CACNA1C: variants seen among roughly 807,000 people sequenced by gnomAD.
CACNA1C encodes the protein voltage-dependent L-type calcium channel subunit alpha-1C.
In CACNA1C, 30 loss-of-function variants were observed where a neutral mutation model predicts 229.0. That is an observed-to-expected ratio of 0.13 (90% CI 0.10 to 0.18). CACNA1C has a LOEUF of 0.18. Ranked by LOEUF, CACNA1C falls within the 10% of genes least tolerant of loss-of-function variation. CACNA1C has a pLI of 1.00. For missense variants in CACNA1C, 1,658 were observed against 2,845.0 expected (o/e 0.58, Z 9.49); for synonymous variants, 1,114 against 1,132.5 (o/e 0.98, Z 0.33).
chr12:2,279,375 G>A (rs771410299), intron 3 of CACNA1C, among the ~76,000 whole-genome samples: 3 of 152,036 alleles, frequency 2.0e-5, no homozygotes, highest in Non-Finnish European at 2.9e-5. Context: ...CTTCATCTTT[G>A]TGATTTTTCA....
intron 4 of CACNA1C, 59 bp from the exon 5 acceptor site, chr12:2,457,508 C>A (rs1419055706): frequency 3.2e-6 from 5 of 1,566,866 alleles, no homozygotes; most frequent in Non-Finnish European, 4.3e-6. Context: ...AGGTCAGAGC[C>A]CCAGCTGGGC....
intron 5 of CACNA1C, among the ~76,000 whole-genome samples, chr12:2,481,749 A>G (rs1238958917): frequency 2.0e-5 from 3 of 152,358 alleles, no homozygotes; most frequent in African/African-American, 4.8e-5. Context: ...TATTGGTCCC[A>G]TAAGTACACA....
At chr12:2,096,161 G>A (rs946634490) in intron 1 of CACNA1C, among the ~76,000 whole-genome samples, 2 of 152,200 alleles carry the variant, frequency 1.3e-5, no homozygotes, top group African/African-American at 4.8e-5. Context: ...CGCAGCCAGA[G>A]GTCCGATGCC....
At chr12:2,565,224 T>C (rs2049827851) in intron 11 of CACNA1C, among the ~76,000 whole-genome samples, 1 of 150,312 alleles carries the variant, frequency 6.7e-6, no homozygotes, top group Non-Finnish European at 1.5e-5. Context: ...ATCCCAGCAC[T>C]TTGGGAGGCC....
chr12:1,974,540 G>T (rs143048228), intron 1 of CACNA1C, among the ~76,000 whole-genome samples: 1 of 152,076 alleles, frequency 6.6e-6, no homozygotes, highest in East Asian at 1.9e-4. Flanking sequence ...TTGACTACTT[G>T]TTAGGCACTG....
intron 3 of CACNA1C, among the ~76,000 whole-genome samples, chr12:2,243,760 C>T (rs2071686258): frequency 6.6e-6 from 1 of 152,204 alleles, no homozygotes; most frequent in South Asian, 2.1e-4. Flanking sequence ...TAGAGCAGTA[C>T]TCACAAGGGC....
At chr12:1,990,593 A>G (rs2154473292) in intron 1 of CACNA1C, among the ~76,000 whole-genome samples, 1 of 152,296 alleles carries the variant, frequency 6.6e-6, no homozygotes. Flanking sequence ...AACCTCTATC[A>G]ATTCTACCTT....
intron 1 of CACNA1C, among the ~76,000 whole-genome samples, chr12:2,056,065 G>A (rs2054603935): frequency 6.6e-6 from 1 of 152,144 alleles, no homozygotes; most frequent in Admixed American, 6.5e-5. Context: ...ACAAAGAGTC[G>A]AGAACCAAAA....
Position 2,597,060 on chromosome 12 carries a change from G to A in CACNA1C, c.2794-170G>A, listed in dbSNP as rs549040739. Among the ~76,000 whole-genome samples, 127 of 152,192 alleles carry A rather than the reference G, an allele frequency of 8.3e-4. 1 individual carries two copies. Among genetic ancestry groups the A allele is most frequent in the African/African-American group, 3.0e-3 (126 of 41,532 alleles). ...GCCCCGCCTCAGGATGTCTGTGTGT[G>A]TGCCGCTTGCCCCCCATGTCCATCT... On this transcript the variant is annotated intron_variant, in intron 20 of 46. Transcript: ENST00000399655. The surrounding 1 kb of genome is among the most constrained non-coding windows in gnomAD (Gnocchi z 4.3).
At chr12:2,552,067 C>T (rs951492937) in intron 10 of CACNA1C, among the ~76,000 whole-genome samples, 5 of 152,146 alleles carry the variant, frequency 3.3e-5, no homozygotes, top group Admixed American at 1.3e-4. Flanking sequence ...GGGAAATGGA[C>T]ACACAGAAGA....
At chr12:2,068,700 G>T (rs762729539) in intron 1 of CACNA1C, among the ~76,000 whole-genome samples, 13 of 152,112 alleles carry the variant, frequency 8.5e-5, no homozygotes, top group African/African-American at 2.7e-4. Context: ...GTGTTATGAC[G>T]GCCCTCGTGG....
chr12:2,117,932 GTTC>G (rs1343224774), intron 2 of CACNA1C, among the ~76,000 whole-genome samples: 2 of 152,220 alleles, frequency 1.3e-5, no homozygotes, highest in South Asian at 2.1e-4. Flanking sequence ...TAGCCAGCCA[GTTC>G]TTCTTGAAGA....
intron 29 of CACNA1C, among the ~76,000 whole-genome samples, chr12:2,623,804 G>A (rs1241512100): frequency 6.6e-6 from 1 of 152,144 alleles, no homozygotes; most frequent in Non-Finnish European, 1.5e-5. Context: ...CCAGCCCCTG[G>A]CTCACAAGCT....
At position 2,667,280 on chromosome 12, in the gene CACNA1C, C is replaced by T. The variant is rs370814744; in HGVS notation, c.4623+498C>T. ...TTCTCCCTCCCCTCCACCATGGCCACTCCACGCTCCTTTTCTCCCTCCTCT... is the reference window on the plus strand; with the variant it reads ...TTCTCCCTCCCCTCCACCATGGCCATTCCACGCTCCTTTTCTCCCTCCTCT... On this transcript the variant is annotated intron_variant, in intron 37 of 46. Transcript: ENST00000399655. Among the ~76,000 whole-genome samples, 548 of 132,960 alleles carry T rather than the reference C, an allele frequency of 4.1e-3. 2 individuals are homozygous for T. Among genetic ancestry groups the T allele is most frequent in the South Asian group, 0.022 (101 of 4,536 alleles). 87.2% of individuals were successfully genotyped at this position (132,960 alleles called of 152,430 possible). A position where few individuals can be genotyped will look rare whatever the true frequency, so the allele number is the denominator to read the frequency against.
At chr12:2,529,764 T>A (rs1019602545) in intron 9 of CACNA1C, among the ~76,000 whole-genome samples, 6 of 152,274 alleles carry the variant, frequency 3.9e-5, no homozygotes, top group Admixed American at 2.0e-4. Flanking sequence ...ATGTACTAAT[T>A]TCTCCTCCTC....
At chr12:2,255,154 C>T (rs2076925566) in intron 3 of CACNA1C, among the ~76,000 whole-genome samples, 1 of 151,514 alleles carries the variant, frequency 6.6e-6, no homozygotes, top group Non-Finnish European at 1.5e-5. Flanking sequence ...CAGATTTCCT[C>T]TCTGTTTGCC....
intron 3 of CACNA1C, among the ~76,000 whole-genome samples, chr12:2,146,585 A>G (rs2094730162): frequency 6.6e-6 from 1 of 151,086 alleles, no homozygotes; most frequent in Non-Finnish European, 1.5e-5. Context: ...GGCGGTGGGC[A>G]CAGGCCTAGG....
At chr12:2,600,298 T>C (rs2071267917) in intron 21 of CACNA1C, among the ~76,000 whole-genome samples, 1 of 152,176 alleles carries the variant, frequency 6.6e-6, no homozygotes, top group African/African-American at 2.4e-5. Context: ...TACCCACTTC[T>C]AAAAACCATT....
Position 2,348,416 on chromosome 12 carries a change from G to T in CACNA1C, c.478-100560G>T, listed in dbSNP as rs762293240. Among the ~76,000 whole-genome samples the T allele has an allele frequency of 6.6e-6, 1 of 152,214 alleles. No individual in the cohort carries two copies. The highest frequency in any genetic ancestry group is 1.5e-5 in the Non-Finnish European group (1 of 68,032). The stretch of plus-strand genomic sequence containing the variant: ...TCTTAGCAACTTAGTCAATCCAAAC[G>T]TGGAGGTGATTGGCATATGTAAGAA... On this transcript the variant is annotated intron_variant, in intron 3 of 46. Transcript: ENST00000399655. This position sits in a 1 kb window ranked among gnomAD's most constrained non-coding sequence, Gnocchi z 4.7.
Sources: allele counts gnomAD v4.1 joint callset (sites outside exome capture counted in the v4.1 genomes callset), GRCh38; gene constraint gnomAD v4.1.1; non-coding constraint Gnocchi (gnomAD v3.1); transcripts MANE v1.5; gene names NCBI Gene and HGNC (gene_info 2026-07-23, HGNC 2026-07-21).